Variants in TRAPPC6A observed in about 807,000 individuals in gnomAD.
The protein encoded by TRAPPC6A is trafficking protein particle complex subunit 6A, also known as TRAPP complex subunit 6A.
TRAPPC6A carries 25 observed loss-of-function variants against 20.8 expected under a neutral mutation model. The observed-to-expected ratio is 1.20, with a 90% CI of 0.88 to 1.68. The LOEUF is 1.68. TRAPPC6A is among the 40% of genes most tolerant of loss of function. The pLI is 0.00. For missense variants in TRAPPC6A, 215 were observed against 211.6 expected (o/e 1.02, Z -0.10); for synonymous variants, 96 against 93.3 (o/e 1.03, Z -0.16).
chr19:45,169,410 C>T (rs1187954562), intron 1 of TRAPPC6A, among the ~76,000 whole-genome samples: 1 of 152,214 alleles, frequency 6.6e-6, no homozygotes, highest in Non-Finnish European at 1.5e-5. Context: ...GATCCTCCTA[C>T]CTCTGCCTCC....
chr19:45,163,982 G>A lies in TRAPPC6A; in HGVS notation c.382C>T (p.Arg128Cys), dbSNP rs757656824. 14 of 1,575,380 alleles carry A rather than the reference G, an allele frequency of 8.9e-6. No individual in the cohort carries two copies. In the African/African-American group the frequency reaches 1.1e-4, roughly 12 times the overall value. Reference sequence around the variant, plus strand: ...ATGCCCAGGGTATAGAGGGCGCCGCGCAGGAGGCCGCAGGTGAAGGCCAGG... The same window carrying A: ...ATGCCCAGGGTATAGAGGGCGCCGCACAGGAGGCCGCAGGTGAAGGCCAGG... ...KFLAFTCGLL[R>C]GALYTLGIES... Residue 128 changes from arginine (R) to cysteine (C), a missense_variant, in exon 5 of 6, where the codon CGC (arginine) becomes TGC (cysteine). Transcript: ENST00000585934. This position sits in a 1 kb window ranked among gnomAD's most constrained non-coding sequence, Gnocchi z 5.3.
intron 1 of TRAPPC6A, among the ~76,000 whole-genome samples, chr19:45,169,156 G>A (rs967172200): frequency 3.3e-5 from 5 of 152,200 alleles, no homozygotes; most frequent in Admixed American, 6.5e-5. Context: ...ACCCCTGCCC[G>A]TGGGTCCTTC....
chr19:45,170,869 G>A (rs1013663561), intron 1 of TRAPPC6A, among the ~76,000 whole-genome samples: 5 of 152,232 alleles, frequency 3.3e-5, no homozygotes, highest in African/African-American at 9.6e-5. Context: ...GGGAGGGGCC[G>A]AGGAGGAGCA....
chr19:45,178,136 C>T lies in TRAPPC6A; in HGVS notation c.83G>A (p.Gly28Glu), dbSNP rs34006212. The change falls in exon 1 of 6, where the codon GGG (glycine) becomes GAG (glutamate). Residue 28 changes from glycine (G) to glutamate (E), a missense_variant and splice_region_variant. By Grantham distance (98) the Gly-to-Glu change is moderately conservative. Transcript: ENST00000585934. ...LWAHDPDPGP[G>E]GQKMSLSVLE... ...CTCCCCACGGAGCCCGGCGCTCACC[C>T]CCGGGCCGGGGTCGGGGTCGTGAGC... The T allele has an allele frequency of 1.4e-4, 225 of 1,613,322 alleles. 1 individual carries two copies. The African/African-American group carries it at 2.5e-3, about 18-fold the overall frequency.
At chr19:45,164,303 G>A in intron 3 of TRAPPC6A, 56 bp from the exon 4 acceptor site, 1 of 1,242,568 alleles carries the variant, frequency 8.0e-7, no homozygotes, top group Non-Finnish European at 1.1e-6. Flanking sequence ...TTGAAGCGCA[G>A]GGAGGGTAAG....
chr19:45,168,218 T>C (rs1428307007), intron 1 of TRAPPC6A, among the ~76,000 whole-genome samples: 1 of 151,750 alleles, frequency 6.6e-6, no homozygotes, highest in African/African-American at 2.4e-5. Context: ...TTAGCCAGGA[T>C]GGTCTTGATC....
intron 1 of TRAPPC6A, among the ~76,000 whole-genome samples, chr19:45,174,964 CAA>C (rs137961011): frequency 7.8e-6 from 1 of 127,442 alleles, no homozygotes; most frequent in Non-Finnish European, 1.7e-5. Flanking sequence ...ACTAAAAATA[CAA>C]AAAAAAAAAA....
At chr19:45,170,995 G>T (rs1462514998) in intron 1 of TRAPPC6A, among the ~76,000 whole-genome samples, 1 of 152,234 alleles carries the variant, frequency 6.6e-6, no homozygotes, top group Non-Finnish European at 1.5e-5. Context: ...GAGGTTAGGG[G>T]TTTATCTTTC....
In TRAPPC6A at chr19:45,163,402, C is replaced by G. The variant is rs1169257248; in HGVS notation, c.449-179G>C. Among the ~76,000 whole-genome samples, 2 of 152,178 alleles carry G rather than the reference C, an allele frequency of 1.3e-5. No individual in the cohort carries two copies. Among genetic ancestry groups the G allele is most frequent in the Non-Finnish European group, 2.9e-5 (2 of 68,018 alleles). ...GTGTGAGTAACCAGGAGCATGAGGG[C>G]CACGGATGTGGCCCCAGGGAAGCGC... is the stretch of plus-strand genomic sequence containing the variant. On this transcript the variant is annotated intron_variant, in intron 5 of 5. Coordinates refer to ENST00000585934, the MANE Select transcript of TRAPPC6A (RefSeq NM_001270891.2). The surrounding 1 kb of genome is among the most constrained non-coding windows in gnomAD (Gnocchi z 5.3).
intron 1 of TRAPPC6A, among the ~76,000 whole-genome samples, chr19:45,165,583 G>A (rs570493239): frequency 4.6e-5 from 7 of 152,366 alleles, no homozygotes; most frequent in South Asian, 2.1e-4. Context: ...TGGGCGCTGC[G>A]ACTCCACCAA....
intron 1 of TRAPPC6A, among the ~76,000 whole-genome samples, chr19:45,166,863 G>A (rs1051794756): frequency 6.6e-5 from 10 of 152,242 alleles, no homozygotes; most frequent in African/African-American, 9.6e-5. Context: ...ATGGGGATGC[G>A]AATTCTCTGC....
In TRAPPC6A at chr19:45,163,894, C is replaced by T. The variant is rs1296464315; in HGVS notation, c.448+22G>A. ...CAGCAACTCAAGGGATGAGAAGAAT[C>T]CCCCCACCCCCCATGACTCACAGAC... On this transcript the variant is annotated intron_variant, in intron 5 of 5. Coordinates refer to ENST00000585934, the MANE Select transcript of TRAPPC6A (RefSeq NM_001270891.2). The surrounding 1 kb of genome is among the most constrained non-coding windows in gnomAD (Gnocchi z 5.3). 4.6e-6 allele frequency: 7 copies of T among 1,524,852 alleles called. No individual in the cohort carries two copies. The highest frequency in any genetic ancestry group is 2.4e-5 in the South Asian group (2 of 83,778). 94.5% of individuals were successfully genotyped at this position (1,524,852 alleles called of 1,614,324 possible).
intron 3 of TRAPPC6A, chr19:45,164,629 G>A (rs1430205360): frequency 6.7e-6 from 4 of 596,626 alleles, no homozygotes; most frequent in African/African-American, 1.9e-5. Flanking sequence ...CCCATGCATG[G>A]CTCACTCCTG....
chr19:45,167,812 G>A (rs1196556156), intron 1 of TRAPPC6A, among the ~76,000 whole-genome samples: 1 of 151,862 alleles, frequency 6.6e-6, no homozygotes, highest in Non-Finnish European at 1.5e-5. Context: ...CAGCCTGGTC[G>A]ACATGGCGAA....
intron 3 of TRAPPC6A, 127 bp from the exon 4 acceptor site, chr19:45,164,374 G>A (rs1196468297): frequency 1.2e-5 from 8 of 662,542 alleles, no homozygotes; most frequent in Non-Finnish European, 2.1e-5. Context: ...AGAACCACTG[G>A]AGTCACAGCC....
At chr19:45,166,307 A>G (rs1355707999) in intron 1 of TRAPPC6A, among the ~76,000 whole-genome samples, 1 of 151,648 alleles carries the variant, frequency 6.6e-6, no homozygotes, top group Non-Finnish European at 1.5e-5. Flanking sequence ...CCCGGGTTCA[A>G]ACAATTCTCC....
rs1020066117 is a variant in TRAPPC6A, at chr19:45,173,735, G to A, written c.84+4400C>T. On this transcript the variant is annotated intron_variant, in intron 1 of 5. Coordinates refer to ENST00000585934, the MANE Select transcript of TRAPPC6A (RefSeq NM_001270891.2). The surrounding 1 kb of genome is among the most constrained non-coding windows in gnomAD (Gnocchi z 4.8). ...GGGGCCAATAAAGAGAAAGGACTGA[G>A]GAAGCCGTTTCTCATGACAGGCCCC... 6.6e-6 allele frequency among the ~76,000 whole-genome samples: 1 copy of A among 152,212 alleles called. No individual in the cohort carries two copies. Among genetic ancestry groups the A allele is most frequent in the African/African-American group, 2.4e-5 (1 of 41,442 alleles).
chr19:45,165,274 G>T (rs1184271577), intron 1 of TRAPPC6A, 80 bp from the exon 2 acceptor site: 2 of 1,344,794 alleles, frequency 1.5e-6, no homozygotes, highest in East Asian at 5.0e-5. Context: ...CCTGCCAGGG[G>T]ACCCAAAGAC....
rs1353319975 is a variant in TRAPPC6A, at chr19:45,177,999, G to A, written c.84+136C>T. 4.7e-6 allele frequency: 7 copies of A among 1,478,744 alleles called. No individual in the cohort carries two copies. The African/African-American group carries it at 8.5e-5, about 18-fold the overall frequency. The allele number at this position is 1,478,744 out of a possible 1,614,324, so 91.6% of individuals were successfully genotyped here. On this transcript the variant is annotated intron_variant, in intron 1 of 5. Coordinates refer to ENST00000585934, the MANE Select transcript of TRAPPC6A (RefSeq NM_001270891.2). Reference sequence around the variant, plus strand: ...TCGCGAACGCCACTTTCCAAAGGAGGAAGCCAGGGCCAGACGTTGCCCTGC... The same window carrying A: ...TCGCGAACGCCACTTTCCAAAGGAGAAAGCCAGGGCCAGACGTTGCCCTGC...
Sources: gnomAD v4.1 joint callset for allele counts (sites outside exome capture counted in the v4.1 genomes callset) on GRCh38, gnomAD v4.1.1 for gene constraint, Gnocchi (gnomAD v3.1) non-coding constraint, MANE v1.5 for transcripts, NCBI Gene and HGNC (gene_info 2026-07-23, HGNC 2026-07-21) for gene names.